Variants in DAB1 observed in about 807,000 individuals in gnomAD.
DAB1 encodes the protein DAB adaptor protein 1.
In DAB1, 15 loss-of-function variants were observed where a neutral mutation model predicts 64.6. That is an observed-to-expected ratio of 0.23 (90% CI 0.16 to 0.36). The LOEUF (loss-of-function observed/expected upper bound fraction) is 0.36, where lower values mean the gene tolerates loss of function less well. DAB1 is among the 10% of genes least tolerant of loss of function. The pLI, the probability that DAB1 is intolerant of heterozygous loss-of-function variation, is 1.00. For synonymous variants in DAB1, 235 were observed against 251.9 expected, an observed-to-expected ratio of 0.93 and a Z score of 0.64; for missense variants, 596 against 706.7, an observed-to-expected ratio of 0.84 and a Z score of 1.78.
intron 14 of DAB1, among the ~76,000 whole-genome samples, chr1:57,000,723 A>G (rs75616607): frequency 0.012 from 1,784 of 152,320 alleles, 36 homozygotes; most frequent in African/African-American, 0.041. Context: ...ACGCATATTA[A>G]TGTTTCCTGG....
At chr1:57,842,260 T>A (rs1653086562) in intron 1 of DAB1, among the ~76,000 whole-genome samples, 1 of 152,172 alleles carries the variant, frequency 6.6e-6, no homozygotes, top group African/African-American at 2.4e-5. Context: ...TAAAACCACC[T>A]CAGCCTGGAC....
intron 5 of DAB1, among the ~76,000 whole-genome samples, chr1:57,961,278 AATAAT>A (rs753785934): frequency 2.6e-5 from 4 of 152,182 alleles, no homozygotes; most frequent in African/African-American, 9.7e-5. Context: ...ATATACATAT[AATAAT>A]ATGTGTACAT....
chr1:57,653,492 T>C (rs929969340), intron 6 of DAB1, among the ~76,000 whole-genome samples: 1 of 152,252 alleles, frequency 6.6e-6, no homozygotes, highest in Admixed American at 6.5e-5. Context: ...TTGGGCAGTT[T>C]CCAAATTTTG....
At chr1:58,228,627 C>G in intron 4 of DAB1, 3 of 799,682 alleles carry the variant, frequency 3.8e-6, no homozygotes, top group Non-Finnish European at 5.8e-6. Flanking sequence ...CCCCCTTGTG[C>G]GAGGTTCACA....
chr1:57,910,408 C>T (rs1644624107), intron 5 of DAB1, among the ~76,000 whole-genome samples: 1 of 152,220 alleles, frequency 6.6e-6, no homozygotes, highest in Non-Finnish European at 1.5e-5. Flanking sequence ...GGTGTTTAGA[C>T]GTACTGCGAT....
chr1:57,762,807 G>A (rs1014192854), intron 6 of DAB1, among the ~76,000 whole-genome samples: 8 of 152,196 alleles, frequency 5.3e-5, no homozygotes, highest in African/African-American at 1.9e-4. Context: ...ATCGCCCTGA[G>A]AGATGTCCTT....
chr1:58,035,489 A>G (rs4276942), intron 5 of DAB1, among the ~76,000 whole-genome samples: 69,452 of 152,106 alleles, frequency 0.46, 16,161 homozygotes, highest in African/African-American at 0.52. Context: ...CACCAACTAC[A>G]TGGAATGAAT....
At chr1:57,388,202 T>A (rs919562617) in intron 1 of DAB1, among the ~76,000 whole-genome samples, 2 of 152,242 alleles carry the variant, frequency 1.3e-5, no homozygotes, top group Non-Finnish European at 2.9e-5. Flanking sequence ...ATCAAGATCA[T>A]ACATCTTTCA....
chr1:57,088,432 T>C (rs771454035), intron 4 of DAB1, among the ~76,000 whole-genome samples: 7 of 152,316 alleles, frequency 4.6e-5, no homozygotes, highest in Non-Finnish European at 7.3e-5. Context: ...TAGTCTCCCT[T>C]AAAGTGCCTG....
intron 6 of DAB1, among the ~76,000 whole-genome samples, chr1:57,743,554 C>T (rs959954798): frequency 3.9e-5 from 6 of 152,200 alleles, no homozygotes; most frequent in African/African-American, 9.7e-5. Context: ...CACACGGATG[C>T]GCGTGAAAGG....
chr1:57,292,000 G>A (rs1049409315), intron 1 of DAB1, among the ~76,000 whole-genome samples: 12 of 152,094 alleles, frequency 7.9e-5, no homozygotes, highest in African/African-American at 2.7e-4. Flanking sequence ...TTTGATAATA[G>A]TCCTTTCTTG....
intron 5 of DAB1, among the ~76,000 whole-genome samples, chr1:58,006,616 T>A (rs941681550): frequency 2.0e-5 from 3 of 152,176 alleles, no homozygotes; most frequent in Non-Finnish European, 4.4e-5. Context: ...CTGAAAAATA[T>A]GCTGACTCAG....
chr1:58,276,038 C>T (rs1326826619), intron 4 of DAB1, among the ~76,000 whole-genome samples: 1 of 152,138 alleles, frequency 6.6e-6, no homozygotes, highest in East Asian at 1.9e-4. Flanking sequence ...GGACTTTATG[C>T]TAAGTGAAAT....
chr1:57,731,326 G>T (rs1414856190), intron 6 of DAB1, among the ~76,000 whole-genome samples: 4 of 152,114 alleles, frequency 2.6e-5, no homozygotes, highest in Admixed American at 1.3e-4. Flanking sequence ...GGGCCTGGGG[G>T]TGGGGAATTA....
intron 7 of DAB1, among the ~76,000 whole-genome samples, chr1:57,469,752 A>C (rs1025817231): frequency 3.3e-5 from 5 of 152,316 alleles, no homozygotes; most frequent in African/African-American, 9.6e-5. Flanking sequence ...CAGGAAGGCC[A>C]GAACTTTTCA....
At chr1:58,504,758 A>C (rs1645960224) in intron 3 of DAB1, among the ~76,000 whole-genome samples, 1 of 152,202 alleles carries the variant, frequency 6.6e-6, no homozygotes, top group Non-Finnish European at 1.5e-5. Flanking sequence ...ATCTTCCTTC[A>C]AACTGCATAC....
At chr1:57,695,046 T>C (rs1276944886) in intron 6 of DAB1, among the ~76,000 whole-genome samples, 1 of 151,824 alleles carries the variant, frequency 6.6e-6, no homozygotes, top group Non-Finnish European at 1.5e-5. Context: ...ATTATTATTG[T>C]TTTCAAATAA....
chr1:57,852,359 A>T (rs1284163273), intron 1 of DAB1, among the ~76,000 whole-genome samples: 2 of 152,100 alleles, frequency 1.3e-5, no homozygotes, highest in Non-Finnish European at 2.9e-5. Context: ...TCTTCATAGC[A>T]CCTAAGTATG....
chr1:58,496,655 A>T (rs1250638491), intron 3 of DAB1, among the ~76,000 whole-genome samples: 1 of 152,136 alleles, frequency 6.6e-6, no homozygotes, highest in Admixed American at 6.6e-5. Context: ...CTTTTAAATA[A>T]GATTATCCTC....
Sources: allele counts gnomAD v4.1 joint callset (sites outside exome capture counted in the v4.1 genomes callset), GRCh38; gene constraint gnomAD v4.1.1; transcripts MANE v1.5; gene names NCBI Gene and HGNC (gene_info 2026-07-23, HGNC 2026-07-21).